The following CA10 variants were observed in gnomAD, a reference collection of about 807,000 sequenced individuals.
The protein encoded by CA10 is carbonic anhydrase 10 (inactive), also known as carbonic anhydrase-related protein 10.
A neutral mutation model predicts 44.2 loss-of-function variants in CA10; 14 were observed. The observed-to-expected ratio is 0.32, with a 90% CI of 0.21 to 0.50. CA10 has a LOEUF of 0.50. Ranked by LOEUF, CA10 falls within the 20% of genes least tolerant of loss-of-function variation. The probability of loss-of-function intolerance (pLI) is 0.99; values close to 1 mark genes in which losing one functional copy is unlikely to be tolerated. For missense variants in CA10, 350 were observed against 409.7 expected, an observed-to-expected ratio of 0.85 and a Z score of 1.26; for synonymous variants, 159 against 141.6, an observed-to-expected ratio of 1.12 and a Z score of -0.87.
chr17:51,975,068 G>T (rs541183171), intron 2 of CA10, among the ~76,000 whole-genome samples: 1 of 152,174 alleles, frequency 6.6e-6, no homozygotes, highest in African/African-American at 2.4e-5. Context: ...AGAGACTGCA[G>T]TAAGTTAAAC....
At position 51,744,906 on chromosome 17, in the gene CA10, G is replaced by T. The variant is rs145567825; in HGVS notation, c.465+2727C>A. 2.9e-3 allele frequency among the ~76,000 whole-genome samples: 439 copies of T among 152,308 alleles called. 1 individual carries two copies. The highest frequency in any genetic ancestry group is 3.8e-3 in the Non-Finnish European group (261 of 68,038). On this transcript the variant is annotated intron_variant, in intron 4 of 8. Coordinates refer to ENST00000451037, the MANE Select transcript of CA10 (RefSeq NM_020178.5). Reference sequence around the variant, plus strand: ...GGGGACTCTGAAATTCTGGTCTCTTGCACCTAAACCCATACCAGTTCGTCT... The same window carrying T: ...GGGGACTCTGAAATTCTGGTCTCTTTCACCTAAACCCATACCAGTTCGTCT...
At chr17:51,901,395 G>A (rs1055379937) in intron 3 of CA10, among the ~76,000 whole-genome samples, 1 of 152,094 alleles carries the variant, frequency 6.6e-6, no homozygotes, top group East Asian at 1.9e-4. Flanking sequence ...TACAAGAGGG[G>A]CTGAGGTATT....
chr17:52,138,152 C>T (rs1989399989), intron 1 of CA10, among the ~76,000 whole-genome samples: 1 of 152,178 alleles, frequency 6.6e-6, no homozygotes, highest in South Asian at 2.1e-4. Flanking sequence ...TTTCCAGCTA[C>T]TGGGGATCTT....
intron 3 of CA10, among the ~76,000 whole-genome samples, chr17:51,768,177 T>C (rs1342905552): frequency 2.0e-5 from 3 of 152,088 alleles, no homozygotes; most frequent in African/African-American, 7.2e-5. Flanking sequence ...TTTTTTTTTT[T>C]TTTTCTTGTT....
intron 3 of CA10, among the ~76,000 whole-genome samples, chr17:51,911,672 T>C (rs1348843212): frequency 6.6e-6 from 1 of 152,196 alleles, no homozygotes; most frequent in African/African-American, 2.4e-5. Context: ...CTAGTTGGTC[T>C]ATAATTAGGC....
chr17:51,803,332 A>C (rs1219511805), intron 3 of CA10, among the ~76,000 whole-genome samples: 1 of 152,070 alleles, frequency 6.6e-6, no homozygotes, highest in African/African-American at 2.4e-5. Context: ...TACTGTCCCA[A>C]AGTAGCAGCA....
intron 1 of CA10, among the ~76,000 whole-genome samples, chr17:52,120,546 G>C (rs1160517854): frequency 6.6e-6 from 1 of 152,090 alleles, no homozygotes. Flanking sequence ...CTTTAGTAGG[G>C]GGAATGATAG....
intron 2 of CA10, among the ~76,000 whole-genome samples, chr17:52,061,494 G>T (rs1271072968): frequency 6.6e-6 from 1 of 152,182 alleles, no homozygotes; most frequent in Non-Finnish European, 1.5e-5. Context: ...TTTGTTATAA[G>T]ACTGATATGG....
At chr17:51,719,384 G>T (rs1255620176) in intron 4 of CA10, among the ~76,000 whole-genome samples, 1 of 152,188 alleles carries the variant, frequency 6.6e-6, no homozygotes, top group African/African-American at 2.4e-5. Flanking sequence ...AGACTAGAAA[G>T]TTGAGTCATT....
At chr17:51,671,625 C>T (rs1484225358) in intron 4 of CA10, among the ~76,000 whole-genome samples, 1 of 151,408 alleles carries the variant, frequency 6.6e-6, no homozygotes, top group African/African-American at 2.4e-5. Context: ...AGGATGGTGT[C>T]GATCTCCTGA....
chr17:52,127,442 T>C (rs1162052312), intron 1 of CA10, among the ~76,000 whole-genome samples: 1 of 152,178 alleles, frequency 6.6e-6, no homozygotes, highest in Non-Finnish European at 1.5e-5. Context: ...GGGTATACAC[T>C]GAGAGGTATA....
chr17:52,011,867 T>A (rs1252029829), intron 2 of CA10, among the ~76,000 whole-genome samples: 1 of 151,978 alleles, frequency 6.6e-6, no homozygotes, highest in Non-Finnish European at 1.5e-5. Context: ...AACTCAGAAA[T>A]GAGAATTGTT....
At chr17:51,811,994 G>A (rs540546659) in intron 3 of CA10, among the ~76,000 whole-genome samples, 2 of 152,188 alleles carry the variant, frequency 1.3e-5, no homozygotes, top group South Asian at 4.2e-4. Context: ...TTGCTGATAT[G>A]CCTCATGATA....
intron 3 of CA10, among the ~76,000 whole-genome samples, chr17:51,787,248 A>G (rs1276368911): frequency 6.6e-6 from 1 of 152,182 alleles, no homozygotes; most frequent in Non-Finnish European, 1.5e-5. Context: ...AGGATTCAGC[A>G]GTGAAGCCAA....
intron 3 of CA10, among the ~76,000 whole-genome samples, chr17:51,773,480 G>A (rs1905692242): frequency 6.6e-6 from 1 of 152,208 alleles, no homozygotes; most frequent in Non-Finnish European, 1.5e-5. Context: ...GAGCCTGGTG[G>A]AGAAGTTGCT....
At chr17:51,935,704 CTG>C (rs1216433051) in intron 2 of CA10, among the ~76,000 whole-genome samples, 1 of 152,116 alleles carries the variant, frequency 6.6e-6, no homozygotes, top group Admixed American at 6.5e-5. Context: ...CTCAGTGACT[CTG>C]TGATTTCAAC....
At chr17:52,058,164 C>G (rs1030919405) in intron 2 of CA10, among the ~76,000 whole-genome samples, 8 of 152,040 alleles carry the variant, frequency 5.3e-5, no homozygotes, top group Non-Finnish European at 7.4e-5. Flanking sequence ...TACTGAAAAG[C>G]CTTACACGTG....
chr17:52,042,030 C>T (rs574097087), intron 2 of CA10, among the ~76,000 whole-genome samples: 9 of 152,064 alleles, frequency 5.9e-5, no homozygotes, highest in Admixed American at 2.0e-4. Context: ...CATCTCTTGG[C>T]TATAATGGAT....
Position 51,931,113 on chromosome 17 carries a change from C to T in CA10, c.156G>A (p.Leu52=), listed in dbSNP as rs747743270. 1.9e-6 allele frequency: 3 copies of T among 1,613,318 alleles called. No homozygotes were observed. Among genetic ancestry groups the T allele is most frequent in the Admixed American group, 1.7e-5 (1 of 59,940 alleles). The change falls in exon 3 of 9, where the codon TTG becomes TTA. Residue 52 remains leucine (L), a synonymous_variant. Coordinates refer to ENST00000451037, the MANE Select transcript of CA10 (RefSeq NM_020178.5). ...AGCAAAGATTCCAAGCTGAGTTCAC[C>T]AATCCCCAGAAAGAAGGAACTAGAA... is the stretch of plus-strand genomic sequence containing the variant. ...SFVPVPSFWG[L]VNSAWNLCSV...
Sources: gnomAD v4.1 joint callset for allele counts (sites outside exome capture counted in the v4.1 genomes callset) on GRCh38, gnomAD v4.1.1 for gene constraint, MANE v1.5 for transcripts, NCBI Gene and HGNC (gene_info 2026-07-23, HGNC 2026-07-21) for gene names.